The following TMEM143 variants were observed in gnomAD, a reference collection of about 807,000 sequenced individuals.
TMEM143 encodes the protein transmembrane protein 143.
TMEM143 carries 45 observed loss-of-function variants against 40.3 expected under a neutral mutation model. That is an observed-to-expected ratio of 1.12 (90% confidence interval 0.88 to 1.43). The LOEUF is 1.43. TMEM143 is among the 40% of genes most tolerant of loss of function. TMEM143 has a pLI of 0.00. For missense variants in TMEM143, 620 were observed against 613.4 expected, an observed-to-expected ratio of 1.01 and a Z score of -0.11; for synonymous variants, 299 against 282.7, an observed-to-expected ratio of 1.06 and a Z score of -0.58.
chr19:48,339,680 G>T (rs150420378), intron 6 of TMEM143, among the ~76,000 whole-genome samples: 1 of 152,028 alleles, frequency 6.6e-6, no homozygotes, highest in Non-Finnish European at 1.5e-5. Context: ...CGCAGGAGGG[G>T]ACCAGCCAGG....
At chr19:48,353,213 T>A (rs1016962012) in intron 3 of TMEM143, among the ~76,000 whole-genome samples, 3 of 150,702 alleles carry the variant, frequency 2.0e-5, no homozygotes, top group African/African-American at 7.3e-5. Flanking sequence ...GGGGTCTCAC[T>A]CTGTTGCCCA....
At chr19:48,356,112 CCTTTTTTTTT>C (rs1375213623) in intron 3 of TMEM143, among the ~76,000 whole-genome samples, 8 of 151,710 alleles carry the variant, frequency 5.3e-5, no homozygotes, top group Admixed American at 3.9e-4. Flanking sequence ...GTGCCTTTTT[CCTTTTTTTTT>C]CTTTTTTTTT....
Position 48,360,059 on chromosome 19 carries a change from G to A in TMEM143, c.369+13C>T. ...GAACAAGCACCACAGGGCTGGAAGG[G>A]CCCCGTCCTCACCTGCAGCCGGGCC... On this transcript the variant is annotated intron_variant, in intron 3 of 7. Transcript: ENST00000293261. The A allele has an allele frequency of 6.2e-7, 1 of 1,612,572 alleles. No individual in the cohort carries two copies. The highest frequency in any genetic ancestry group is 8.5e-7 in the Non-Finnish European group (1 of 1,178,952).
chr19:48,347,372 G>T (rs189755816), intron 3 of TMEM143, among the ~76,000 whole-genome samples: 1 of 152,034 alleles, frequency 6.6e-6, no homozygotes, highest in South Asian at 2.1e-4. Context: ...TTGGTCATGG[G>T]GAAGCCCAGG....
intron 3 of TMEM143, among the ~76,000 whole-genome samples, chr19:48,358,397 A>T (rs536879339): frequency 1.9e-4 from 29 of 151,790 alleles, no homozygotes; most frequent in Middle Eastern, 6.8e-3. Context: ...AAAAAAAAAA[A>T]ATATATTAGA....
intron 4 of TMEM143, among the ~76,000 whole-genome samples, chr19:48,344,477 C>T (rs958598938): frequency 4.6e-5 from 7 of 152,000 alleles, no homozygotes; most frequent in Admixed American, 1.3e-4. Context: ...TCTGTAGAGA[C>T]GGGGTCTCCC....
chr19:48,342,479 C>A, intron 6 of TMEM143, 51 bp downstream of exon 6: 1 of 1,539,772 alleles, frequency 6.5e-7, no homozygotes. Flanking sequence ...GGGGGCCTGA[C>A]CTGGTCCCCA....
rs1969531418 is a variant in TMEM143, at chr19:48,342,815, G to A, written c.696-6C>T. ...CCACCCGCTTAAAGTATCTCCTGAG[G>A]GACAGAGACAGAGGCAGGAGCAGGA... is the stretch of plus-strand genomic sequence containing the variant. On this transcript the variant is annotated splice_region_variant and splice_polypyrimidine_tract_variant and intron_variant, in intron 5 of 7. Transcript: ENST00000293261. 1.3e-6 allele frequency: 2 copies of A among 1,592,026 alleles called. No homozygotes were observed. Among genetic ancestry groups the A allele is most frequent in the Non-Finnish European group, 1.7e-6 (2 of 1,164,382 alleles).
intron 3 of TMEM143, chr19:48,359,815 C>A: frequency 7.6e-6 from 3 of 394,796 alleles, no homozygotes; most frequent in Non-Finnish European, 9.1e-6. Context: ...CCCATCTCAT[C>A]CCTCTTTATC....
Position 48,343,321 on chromosome 19 carries a change from C to A in TMEM143, c.695G>T (p.Arg232Met), listed in dbSNP as rs1182410325. ...GFFTKLPPAE[R>M]RYFKRVVLAA... The stretch of plus-strand genomic sequence containing the variant: ...AGCTGGGGAACAAGGGCCGCCTCAC[C>A]TCTCCGCAGGGGGCAGCTTGGTGAA... Residue 232 changes from arginine to methionine, a missense_variant and splice_region_variant, in exon 5 of 8, where the codon AGG becomes ATG. Physicochemically the swap from Arg to Met is moderately conservative, Grantham distance 91. Transcript: ENST00000293261. 3 of 1,610,186 alleles carry A rather than the reference C, an allele frequency of 1.9e-6. No individual in the cohort carries two copies. In the African/African-American group the frequency reaches 4.0e-5, roughly 22 times the overall value.
At chr19:48,355,329 C>T (rs1452893581) in intron 3 of TMEM143, among the ~76,000 whole-genome samples, 1 of 152,084 alleles carries the variant, frequency 6.6e-6, no homozygotes, top group African/African-American at 2.4e-5. Flanking sequence ...CCAAGCCCAG[C>T]CTTAACTTTT....
rs1474137423 is a variant in TMEM143, at chr19:48,334,548, TC to T, written c.976-352del. Among the ~76,000 whole-genome samples the T allele has an allele frequency of 8.8e-3, 1,311 of 148,908 alleles. 40 individuals are homozygous for T. The highest frequency in any genetic ancestry group is 0.032 in the African/African-American group (1,247 of 39,310). ...CTTTCTTTCTTTTCTTTTCTTTCTT[TC>T]TTTTTCTTCCTTCCTTCCTTTCTTT... On this transcript the variant is annotated intron_variant, in intron 6 of 7. Coordinates refer to ENST00000293261, the MANE Select transcript of TMEM143 (RefSeq NM_018273.4).
intron 3 of TMEM143, among the ~76,000 whole-genome samples, chr19:48,347,958 C>G (rs891170536): frequency 1.4e-5 from 2 of 146,710 alleles, no homozygotes; most frequent in African/African-American, 5.0e-5. Flanking sequence ...GAGGTTGAGG[C>G]TGCAGTAAAC....
chr19:48,338,951 C>T lies in TMEM143; in HGVS notation c.975+3579G>A, dbSNP rs764503525. On this transcript the variant is annotated intron_variant, in intron 6 of 7. Coordinates refer to ENST00000293261, the MANE Select transcript of TMEM143 (RefSeq NM_018273.4). The stretch of plus-strand genomic sequence containing the variant: ...GAAAGGGCATTTCAGTCCAAGGGAA[C>T]AGCACAGGCAAAGGCAGAGAACGAG... 5.9e-5 allele frequency among the ~76,000 whole-genome samples: 9 copies of T among 152,176 alleles called. No homozygotes were observed. In the South Asian group the frequency reaches 6.2e-4, roughly 10 times the overall value.
intron 6 of TMEM143, among the ~76,000 whole-genome samples, chr19:48,334,464 TTC>T (rs1389014031): frequency 1.6e-4 from 8 of 50,792 alleles, no homozygotes; most frequent in Admixed American, 6.6e-4. Context: ...CTTTCTTTCT[TTC>T]TTTCTTTCTT....
At chr19:48,352,784 T>C (rs371235687) in intron 3 of TMEM143, among the ~76,000 whole-genome samples, 3 of 151,400 alleles carry the variant, frequency 2.0e-5, no homozygotes, top group African/African-American at 4.9e-5. Flanking sequence ...CAGAAAAAAA[T>C]ATATATATAT....
intron 3 of TMEM143, among the ~76,000 whole-genome samples, chr19:48,354,328 G>T (rs1455828757): frequency 6.8e-6 from 1 of 146,930 alleles, no homozygotes; most frequent in Non-Finnish European, 1.5e-5. Context: ...GCAGTGGTGC[G>T]ATCTCAGCTC....
intron 3 of TMEM143, among the ~76,000 whole-genome samples, chr19:48,350,163 C>A (rs1969731295): frequency 6.6e-6 from 1 of 151,292 alleles, no homozygotes; most frequent in Non-Finnish European, 1.5e-5. Context: ...ACCATGCCAG[C>A]TAATTTTTTT....
intron 6 of TMEM143, among the ~76,000 whole-genome samples, chr19:48,336,461 G>C (rs1180769195): frequency 6.6e-6 from 1 of 151,948 alleles, no homozygotes; most frequent in African/African-American, 2.4e-5. Context: ...GGAAGTGGAG[G>C]TTGCAGTGAG....
Sources: allele counts gnomAD v4.1 joint callset (sites outside exome capture counted in the v4.1 genomes callset), GRCh38; gene constraint gnomAD v4.1.1; transcripts MANE v1.5; gene names NCBI Gene and HGNC (gene_info 2026-07-23, HGNC 2026-07-21).